OLFM2: variants seen among roughly 807,000 people sequenced by gnomAD.
OLFM2 encodes the protein olfactomedin 2.
A neutral mutation model predicts 43.9 loss-of-function variants in OLFM2; 20 were observed. The ratio of observed to expected loss-of-function variants is 0.46; its 90% CI spans 0.32 to 0.66. The LOEUF (loss-of-function observed/expected upper bound fraction) is 0.66. OLFM2 is among the 30% of genes least tolerant of loss of function. The probability of loss-of-function intolerance (pLI) is 0.04; values close to 1 mark genes in which losing one functional copy is unlikely to be tolerated. For synonymous variants in OLFM2, 268 were observed against 278.6 expected, an observed-to-expected ratio of 0.96 and a Z score of 0.38; for missense variants, 416 against 643.6, an observed-to-expected ratio of 0.65 and a Z score of 3.83.
chr19:9,883,762 G>A (rs566125255), intron 1 of OLFM2, among the ~76,000 whole-genome samples: 1 of 152,272 alleles, frequency 6.6e-6, no homozygotes, highest in Admixed American at 6.5e-5. Context: ...CACCAGTTTA[G>A]TCAAGCATTG....
Position 9,936,306 on chromosome 19 carries a change from G to T in OLFM2, c.61C>A (p.Gln21Lys), listed in dbSNP as rs1313134629. Reference protein sequence around the residue: ...LLLLCSGLAGQTLFQNPEEGW... With the variant: ...LLLLCSGLAGKTLFQNPEEGW... ...GCACCTGCCCGCCGGGCCCCTACCT[G>T]TCCGGCCAGGCCTGAGCACAGCAGC... The change falls in exon 1 of 6, where the codon CAG becomes AAG. Residue 21 changes from glutamine (Q) to lysine (K), a missense_variant and splice_region_variant. Transcript: ENST00000264833. The T allele has an allele frequency of 6.5e-7, 1 of 1,527,628 alleles. No individual in the cohort carries two copies. The highest frequency in any genetic ancestry group is 8.7e-7 in the Non-Finnish European group (1 of 1,143,708). 94.6% of individuals were successfully genotyped at this position (1,527,628 alleles called of 1,614,324 possible). A position where few individuals can be genotyped will look rare whatever the true frequency, so the allele number is the denominator to read the frequency against.
intron 2 of OLFM2, chr19:9,858,064 C>T: frequency 1.5e-6 from 1 of 657,472 alleles, no homozygotes; most frequent in South Asian, 1.7e-5. Flanking sequence ...TACCCACTGG[C>T]TCCCATCTGG....
intron 1 of OLFM2, among the ~76,000 whole-genome samples, chr19:9,911,240 C>A (rs2046825128): frequency 6.6e-6 from 1 of 152,188 alleles, no homozygotes; most frequent in Non-Finnish European, 1.5e-5. Flanking sequence ...TAGATTCCAA[C>A]ATAGGTCTTT....
intron 1 of OLFM2, among the ~76,000 whole-genome samples, chr19:9,903,122 G>A (rs571879831): frequency 1.3e-5 from 2 of 152,278 alleles, no homozygotes; most frequent in Admixed American, 6.5e-5. Flanking sequence ...TTGAACTCCT[G>A]GGTTCAAGTG....
At chr19:9,924,080 A>ACAG (rs2086437260) in intron 1 of OLFM2, among the ~76,000 whole-genome samples, 1 of 140,646 alleles carries the variant, frequency 7.1e-6, no homozygotes, top group Non-Finnish European at 1.5e-5. Flanking sequence ...AGCCTGGGCA[A>ACAG]CAGAGCAATA....
At chr19:9,920,943 G>A (rs540335810) in intron 1 of OLFM2, among the ~76,000 whole-genome samples, 1 of 151,996 alleles carries the variant, frequency 6.6e-6, no homozygotes, top group East Asian at 1.9e-4. Context: ...GAAATTTCTG[G>A]GTGGTAAAAA....
At chr19:9,869,285 C>T (rs1029781062) in intron 1 of OLFM2, among the ~76,000 whole-genome samples, 3 of 152,172 alleles carry the variant, frequency 2.0e-5, no homozygotes, top group African/African-American at 4.8e-5. Context: ...AGCATCTCTC[C>T]GGGCAATATC....
At chr19:9,868,308 C>T (rs965844258) in intron 1 of OLFM2, among the ~76,000 whole-genome samples, 12 of 152,070 alleles carry the variant, frequency 7.9e-5, no homozygotes, top group Non-Finnish European at 1.6e-4. Context: ...GTGATCTGCC[C>T]GCCTTACCCT....
chr19:9,915,002 CT>C (rs1189217427), intron 1 of OLFM2, among the ~76,000 whole-genome samples: 1 of 152,030 alleles, frequency 6.6e-6, no homozygotes, highest in South Asian at 2.1e-4. Context: ...CTCGAACCGT[CT>C]TTTTTTCTGA....
chr19:9,864,151 G>A (rs115091565), intron 1 of OLFM2, among the ~76,000 whole-genome samples: 2,052 of 152,286 alleles, frequency 0.013, 43 homozygotes, highest in African/African-American at 0.047. Flanking sequence ...ACAGGCATTC[G>A]TGATTAATAC....
chr19:9,865,561 G>A (rs1433145648), intron 1 of OLFM2, among the ~76,000 whole-genome samples: 2 of 128,332 alleles, frequency 1.6e-5, no homozygotes, highest in East Asian at 2.2e-4. Context: ...GCGGGATCTC[G>A]GCTCACTGCA....
chr19:9,862,293 G>A (rs2046370339), intron 1 of OLFM2, among the ~76,000 whole-genome samples: 1 of 152,060 alleles, frequency 6.6e-6, no homozygotes, highest in South Asian at 2.1e-4. Flanking sequence ...CAAGAGAATG[G>A]GCTCTTGAGA....
At chr19:9,888,464 C>T (rs538010970) in intron 1 of OLFM2, among the ~76,000 whole-genome samples, 5 of 147,306 alleles carry the variant, frequency 3.4e-5, no homozygotes, top group South Asian at 2.2e-4. Flanking sequence ...GCGGAGGTTG[C>T]GGTGAGCTGA....
intron 1 of OLFM2, among the ~76,000 whole-genome samples, chr19:9,920,747 A>AT (rs2086414309): frequency 6.6e-6 from 1 of 151,456 alleles, no homozygotes; most frequent in Admixed American, 6.6e-5. Flanking sequence ...CATACAAAAA[A>AT]AAAAAAAAAA....
rs1005846189 is a variant in OLFM2, at chr19:9,856,591, A to G, written c.687+216T>C. Among the ~76,000 whole-genome samples, 1 of 152,262 alleles carries G rather than the reference A, an allele frequency of 6.6e-6. No homozygotes were observed. Among genetic ancestry groups the G allele is most frequent in the African/African-American group, 2.4e-5 (1 of 41,476 alleles). On this transcript the variant is annotated intron_variant, in intron 5 of 5. Transcript: ENST00000264833. This position sits in a 1 kb window ranked among gnomAD's most constrained non-coding sequence, Gnocchi z 4.0. ...TAGAACTCAGTAACCATTAGCCACT[A>G]TACAGACACTGGAGGTCAACAGAGT...
At chr19:9,920,024 G>C (rs1450984426) in intron 1 of OLFM2, among the ~76,000 whole-genome samples, 1 of 142,550 alleles carries the variant, frequency 7.0e-6, no homozygotes, top group African/African-American at 2.6e-5. Context: ...GGCTGGTCTC[G>C]AACTCCTGAC....
chr19:9,924,299 G>A (rs989158009), intron 1 of OLFM2, among the ~76,000 whole-genome samples: 9 of 149,398 alleles, frequency 6.0e-5, no homozygotes, highest in East Asian at 3.9e-4. Flanking sequence ...CCAGCTATTC[G>A]GGAAGCTGAG....
chr19:9,903,019 T>G (rs934777509), intron 1 of OLFM2, among the ~76,000 whole-genome samples: 15 of 152,026 alleles, frequency 9.9e-5, no homozygotes, highest in African/African-American at 3.6e-4. Context: ...ATTTCCTGAA[T>G]AGCTGGGATT....
At chr19:9,862,532 T>A (rs1217653189) in intron 1 of OLFM2, among the ~76,000 whole-genome samples, 4 of 150,684 alleles carry the variant, frequency 2.7e-5, no homozygotes, top group Non-Finnish European at 4.4e-5. Context: ...AAAAAAAAAA[T>A]TAGCTGGATG....
Sources: allele counts gnomAD v4.1 joint callset (sites outside exome capture counted in the v4.1 genomes callset), GRCh38; gene constraint gnomAD v4.1.1; non-coding constraint Gnocchi (gnomAD v3.1); transcripts MANE v1.5; gene names NCBI Gene and HGNC (gene_info 2026-07-23, HGNC 2026-07-21).